Variants in XIRP2 observed in about 807,000 individuals in gnomAD.
XIRP2 encodes the protein xin actin binding repeat containing 2, also known as xin actin-binding repeat-containing protein 2.
Under a neutral mutation model 277.0 loss-of-function variants are expected in XIRP2, and 236 were observed. The ratio of observed to expected loss-of-function variants is 0.85; its 90% CI spans 0.77 to 0.95. XIRP2 has a LOEUF of 0.95. XIRP2 is among the 40% of genes least tolerant of loss of function. XIRP2 has a pLI of 0.00. For synonymous variants in XIRP2, 1,490 were observed against 1,416.5 expected (o/e 1.05, Z -1.17); for missense variants, 4,640 against 4,157.5 (o/e 1.12, Z -3.19).
chr2:167,099,912 T>C (rs1690442421), intron 2 of XIRP2, among the ~76,000 whole-genome samples: 1 of 152,130 alleles, frequency 6.6e-6, no homozygotes. Context: ...CCTTCTGCAT[T>C]GATCTCTCTG....
At chr2:166,976,296 C>G (rs4296445) in intron 2 of XIRP2, among the ~76,000 whole-genome samples, 2 of 152,282 alleles carry the variant, frequency 1.3e-5, no homozygotes, top group Non-Finnish European at 2.9e-5. Flanking sequence ...ATTCTTTTAT[C>G]TAAGACCAAC....
At chr2:167,025,329 T>C (rs1688121514) in intron 2 of XIRP2, among the ~76,000 whole-genome samples, 1 of 152,168 alleles carries the variant, frequency 6.6e-6, no homozygotes, top group Non-Finnish European at 1.5e-5. Flanking sequence ...ATTGTGTCTA[T>C]TTGATTCTTC....
intron 3 of XIRP2, among the ~76,000 whole-genome samples, chr2:167,144,367 T>G (rs1205109094): frequency 2.6e-5 from 4 of 152,108 alleles, no homozygotes; most frequent in Non-Finnish European, 5.9e-5. Context: ...AAATAGTATA[T>G]GAGGACTCAT....
chr2:166,929,919 C>A (rs906304082), intron 2 of XIRP2, among the ~76,000 whole-genome samples: 1 of 152,068 alleles, frequency 6.6e-6, no homozygotes, highest in African/African-American at 2.4e-5. Context: ...GTAGATAGCT[C>A]ATCTTCACCT....
rs541064028 is a variant in XIRP2, at chr2:166,940,389, G to T, written c.408+36499G>T. Among the ~76,000 whole-genome samples the T allele has an allele frequency of 1.2e-3, 186 of 152,284 alleles. 1 individual carries two copies. The highest frequency in any genetic ancestry group is 2.0e-3 in the Non-Finnish European group (137 of 68,022). On this transcript the variant is annotated intron_variant, in intron 2 of 10. Coordinates refer to ENST00000409195, the MANE Select transcript of XIRP2 (RefSeq NM_152381.6). The stretch of plus-strand genomic sequence containing the variant: ...TTTTTAGCCTCTTTGCGATGGGTTT[G>T]AACTTCCTCCTTTAGCTTGGAGAAG...
At chr2:167,153,778 T>C (rs1173086605) in intron 3 of XIRP2, among the ~76,000 whole-genome samples, 2 of 151,176 alleles carry the variant, frequency 1.3e-5, no homozygotes, top group African/African-American at 4.9e-5. Flanking sequence ...ATGGTGTATA[T>C]GTGCCACATT....
intron 2 of XIRP2, among the ~76,000 whole-genome samples, chr2:167,014,398 A>G (rs566944193): frequency 6.6e-6 from 1 of 151,956 alleles, no homozygotes. Flanking sequence ...GAGAAAATCA[A>G]GAAGATATTG....
intron 5 of XIRP2, among the ~76,000 whole-genome samples, chr2:167,219,819 G>A (rs1408950511): frequency 4.6e-5 from 7 of 152,134 alleles, no homozygotes; most frequent in Non-Finnish European, 4.4e-5. Flanking sequence ...TATCTCATTA[G>A]GTTACTATGG....
chr2:166,983,088 A>G lies in XIRP2; in HGVS notation c.408+79198A>G, dbSNP rs530500669. On this transcript the variant is annotated intron_variant, in intron 2 of 10. Transcript: ENST00000409195. ...TTCATATTTGTATTTTTCCAGAGCT[A>G]TGTTTTTTATCTGGGGGAAGTTTGA... Among the ~76,000 whole-genome samples the G allele has an allele frequency of 2.0e-5, 3 of 152,134 alleles. No individual in the cohort carries two copies. In the East Asian group the frequency reaches 5.8e-4, roughly 29 times the overall value.
At chr2:167,207,476 G>C (rs1230094609) in intron 3 of XIRP2, among the ~76,000 whole-genome samples, 3 of 152,248 alleles carry the variant, frequency 2.0e-5, no homozygotes, top group African/African-American at 7.2e-5. Flanking sequence ...GCAGACCTGT[G>C]AATAATTGGT....
rs550437410 is a variant in XIRP2 at position 166,922,220 on chromosome 2, C to T, written c.408+18330C>T. Among the ~76,000 whole-genome samples, 4 of 152,218 alleles carry T rather than the reference C, an allele frequency of 2.6e-5. No individual in the cohort carries two copies. In the South Asian group the frequency reaches 8.3e-4, roughly 32 times the overall value. On this transcript the variant is annotated intron_variant, in intron 2 of 10. Coordinates refer to ENST00000409195, the MANE Select transcript of XIRP2 (RefSeq NM_152381.6). The stretch of plus-strand genomic sequence containing the variant: ...CCTTTCCTTCCCTGTTGCATTGACC[C>T]TCTGGGTAGAAGCTACCTCACGAAC...
chr2:167,220,397 C>G (rs1358543289), intron 5 of XIRP2, among the ~76,000 whole-genome samples: 1 of 152,158 alleles, frequency 6.6e-6, no homozygotes, highest in Non-Finnish European at 1.5e-5. Flanking sequence ...AATAGTATGA[C>G]AGTATCCACC....
intron 2 of XIRP2, among the ~76,000 whole-genome samples, chr2:166,946,668 AG>A (rs1460152236): frequency 6.6e-6 from 1 of 152,146 alleles, no homozygotes; most frequent in Non-Finnish European, 1.5e-5. Flanking sequence ...ATAGATAGAT[AG>A]GATTTCCTCA....
chr2:166,982,196 G>A (rs931960928), intron 2 of XIRP2, among the ~76,000 whole-genome samples: 1 of 150,898 alleles, frequency 6.6e-6, no homozygotes, highest in Non-Finnish European at 1.5e-5. Flanking sequence ...CATTATTTCT[G>A]ATAAAGAGAT....
intron 2 of XIRP2, among the ~76,000 whole-genome samples, chr2:167,034,018 A>G (rs1688438837): frequency 6.6e-6 from 1 of 152,202 alleles, no homozygotes; most frequent in Non-Finnish European, 1.5e-5. Context: ...AACTACTTAT[A>G]TCTTGAGTTG....
intron 2 of XIRP2, among the ~76,000 whole-genome samples, chr2:167,126,285 G>C (rs948708548): frequency 3.9e-5 from 6 of 151,912 alleles, no homozygotes; most frequent in African/African-American, 1.5e-4. Flanking sequence ...ATGGTAGCTG[G>C]CTTCCAAGAG....
chr2:167,155,803 A>G (rs1037098950), intron 3 of XIRP2, among the ~76,000 whole-genome samples: 1 of 151,850 alleles, frequency 6.6e-6, no homozygotes, highest in Admixed American at 6.6e-5. Flanking sequence ...GAGGAAGTCA[A>G]ATTGTCCCTG....
At chr2:167,112,078 G>A (rs567563785) in intron 2 of XIRP2, among the ~76,000 whole-genome samples, 2 of 152,086 alleles carry the variant, frequency 1.3e-5, no homozygotes, top group African/African-American at 4.8e-5. Flanking sequence ...TCTAACTAGT[G>A]TTTTATCTAT....
intron 5 of XIRP2, among the ~76,000 whole-genome samples, chr2:167,220,027 C>A (rs1017273878): frequency 6.6e-6 from 1 of 152,180 alleles, no homozygotes; most frequent in African/African-American, 2.4e-5. Flanking sequence ...AGTACCAGAG[C>A]TGGCTTGTAT....
Sources: gnomAD v4.1 joint callset for allele counts (sites outside exome capture counted in the v4.1 genomes callset) on GRCh38, gnomAD v4.1.1 for gene constraint, MANE v1.5 for transcripts, NCBI Gene and HGNC (gene_info 2026-07-23, HGNC 2026-07-21) for gene names.